Variants in CEP126 observed in about 807,000 individuals in gnomAD.
CEP126 encodes centrosomal protein of 126 kDa.
Under a neutral mutation model 107.8 loss-of-function variants are expected in CEP126, and 74 were observed. The ratio of observed to expected loss-of-function variants is 0.69; its 90% confidence interval spans 0.57 to 0.83. The LOEUF is 0.83. Among genes scored for constraint, CEP126 ranks in the 40% least tolerant of loss-of-function variants. CEP126 has a pLI of 0.00. For missense variants in CEP126, 1,237 were observed against 1,281.9 expected (o/e 0.96, Z 0.53); for synonymous variants, 449 against 446.0 (o/e 1.01, Z -0.08).
At chr11:101,981,542 C>G (rs1412743622) in intron 7 of CEP126, among the ~76,000 whole-genome samples, 1 of 152,122 alleles carries the variant, frequency 6.6e-6, no homozygotes, top group Non-Finnish European at 1.5e-5. Context: ...ATCTGCCCAC[C>G]TCGGCCTCCC....
At position 101,962,153 on chromosome 11, in the gene CEP126, G is replaced by GCCCAC; in HGVS notation, c.1121_1125dup (p.Met376HisfsTer6). 6.2e-7 allele frequency: 1 copy of GCCCAC among 1,613,198 alleles called. No individual in the cohort carries two copies. Among genetic ancestry groups the GCCCAC allele is most frequent in the Non-Finnish European group, 8.5e-7 (1 of 1,179,686 alleles). ...AATAATTCAGTACCCTTTGTATCTA[G>GCCCAC]CCCACCCATGTTTGTACTAGATAAA... On this transcript the variant is annotated frameshift_variant, in exon 6 of 11. Coordinates refer to ENST00000263468, the MANE Select transcript of CEP126 (RefSeq NM_020802.4). LOFTEE classifies it high-confidence loss of function.
At chr11:101,941,712 G>A (rs1804330922) in intron 2 of CEP126, among the ~76,000 whole-genome samples, 1 of 152,184 alleles carries the variant, frequency 6.6e-6, no homozygotes, top group East Asian at 1.9e-4. Flanking sequence ...TGAAGAATCA[G>A]CATACCAATT....
chr11:101,929,989 T>TTTTTTTTTTC (rs1490737267), intron 2 of CEP126, among the ~76,000 whole-genome samples: 3 of 151,632 alleles, frequency 2.0e-5, no homozygotes, highest in African/African-American at 7.3e-5. Flanking sequence ...TTTTTTTTTT[T>TTTTTTTTTTC]TTTGTCTAAG....
At chr11:101,982,243 C>T (rs1346112103) in intron 8 of CEP126, among the ~76,000 whole-genome samples, 3 of 152,016 alleles carry the variant, frequency 2.0e-5, no homozygotes, top group African/African-American at 7.3e-5. Flanking sequence ...ATGTAAATGC[C>T]ACCCAGTAAA....
chr11:101,977,112 C>T (rs894193413), intron 6 of CEP126, among the ~76,000 whole-genome samples: 2 of 152,008 alleles, frequency 1.3e-5, no homozygotes, highest in Non-Finnish European at 2.9e-5. Context: ...TCTCACAGCA[C>T]AATATACATT....
chr11:101,990,784 TG>T (rs1353805900), intron 9 of CEP126, among the ~76,000 whole-genome samples: 1 of 144,952 alleles, frequency 6.9e-6, no homozygotes, highest in Non-Finnish European at 1.5e-5. Context: ...GGCCAAAACA[TG>T]GGGGCAGAAC....
chr11:101,923,400 T>C lies in CEP126; in HGVS notation c.248+640T>C, dbSNP rs1363727023. 2.0e-5 allele frequency among the ~76,000 whole-genome samples: 3 copies of C among 152,180 alleles called. No individual in the cohort carries two copies. The East Asian group carries it at 5.8e-4, about 29-fold the overall frequency. ...ATTTTTCAGGATGTTTTTTAAATAT[T>C]AGGCTTTTTTTGAGACAGAGCAGTT... On this transcript the variant is annotated intron_variant, in intron 2 of 10. Transcript: ENST00000263468.
intron 8 of CEP126, among the ~76,000 whole-genome samples, chr11:101,982,936 A>G (rs1376982513): frequency 1.3e-5 from 2 of 152,182 alleles, no homozygotes; most frequent in Non-Finnish European, 2.9e-5. Flanking sequence ...CCAAGGGGAA[A>G]AAAGATCCTC....
rs796417609 is a variant in CEP126, at chr11:101,933,821, C to T, written c.249-10444C>T. Among the ~76,000 whole-genome samples the T allele has an allele frequency of 9.8e-4, 147 of 149,844 alleles. 1 individual carries two copies. In the East Asian group the frequency reaches 0.023, roughly 23 times the overall value. On this transcript the variant is annotated intron_variant, in intron 2 of 10. Coordinates refer to ENST00000263468, the MANE Select transcript of CEP126 (RefSeq NM_020802.4). Reference sequence around the variant, plus strand: ...AAAACTTTCACCCCCGAGACCCCCCCCCCACCAAAACAATTAAGACTTAAA... The same window carrying T: ...AAAACTTTCACCCCCGAGACCCCCCTCCCACCAAAACAATTAAGACTTAAA...
At chr11:101,965,295 T>C (rs945822443) in intron 6 of CEP126, among the ~76,000 whole-genome samples, 3 of 152,146 alleles carry the variant, frequency 2.0e-5, no homozygotes, top group Admixed American at 6.6e-5. Flanking sequence ...AATATTGATA[T>C]ATAATGAGAG....
At chr11:101,923,420 G>C (rs185274085) in intron 2 of CEP126, among the ~76,000 whole-genome samples, 28 of 152,206 alleles carry the variant, frequency 1.8e-4, no homozygotes, top group South Asian at 8.3e-4. Context: ...TTGAGACAGA[G>C]CAGTTATGCC....
chr11:101,921,777 C>CTTTT (rs747642967), intron 1 of CEP126, among the ~76,000 whole-genome samples: 154 of 55,012 alleles, frequency 2.8e-3, no homozygotes, highest in African/African-American at 3.3e-3. Flanking sequence ...TTCATGATTT[C>CTTTT]TTTTTTTTTT....
intron 1 of CEP126, among the ~76,000 whole-genome samples, chr11:101,917,646 C>T (rs1940246058): frequency 6.6e-6 from 1 of 150,834 alleles, no homozygotes. Context: ...CCCCTTATAC[C>T]TGCCTTTTTT....
intron 1 of CEP126, among the ~76,000 whole-genome samples, 179 bp from the exon 2 acceptor site, chr11:101,922,462 C>G (rs185798902): frequency 6.6e-6 from 1 of 152,192 alleles, no homozygotes; most frequent in East Asian, 1.9e-4. Context: ...GCACCCAGCC[C>G]CGAATTTTTT....
intron 10 of CEP126, 90 bp from the exon 11 acceptor site, chr11:101,997,509 A>C: frequency 6.3e-7 from 1 of 1,599,344 alleles, no homozygotes; most frequent in African/African-American, 1.3e-5. Context: ...GGATGTGTTG[A>C]ATATGCCACT....
At chr11:101,980,195 A>T (rs1941240060) in intron 7 of CEP126, among the ~76,000 whole-genome samples, 1 of 152,194 alleles carries the variant, frequency 6.6e-6, no homozygotes, top group East Asian at 1.9e-4. Flanking sequence ...TTAATTATAG[A>T]TATAACTTCC....
intron 9 of CEP126, among the ~76,000 whole-genome samples, chr11:101,992,163 TAAA>T (rs1022653437): frequency 1.6e-5 from 2 of 127,066 alleles, no homozygotes; most frequent in African/African-American, 5.7e-5. Flanking sequence ...TAAAAAAAAA[TAAA>T]AAGCAGGGAG....
intron 2 of CEP126, among the ~76,000 whole-genome samples, chr11:101,926,151 G>A (rs1211483034): frequency 6.6e-6 from 1 of 152,034 alleles, no homozygotes; most frequent in East Asian, 1.9e-4. Flanking sequence ...ATAAAAGATG[G>A]CAATGCTATG....
At chr11:101,980,177 C>T (rs941988955) in intron 7 of CEP126, among the ~76,000 whole-genome samples, 7 of 152,048 alleles carry the variant, frequency 4.6e-5, no homozygotes, top group Non-Finnish European at 7.4e-5. Context: ...TGCTTAATAG[C>T]GTAATGGTTA....
Sources: gnomAD v4.1 joint callset for allele counts (sites outside exome capture counted in the v4.1 genomes callset) on GRCh38, gnomAD v4.1.1 for gene constraint, MANE v1.5 for transcripts, NCBI Gene and HGNC (gene_info 2026-07-23, HGNC 2026-07-21) for gene names.